USP1: variants seen among roughly 807,000 people sequenced by gnomAD.
USP1 encodes ubiquitin specific peptidase 1, also known as ubiquitin carboxyl-terminal hydrolase 1.
A neutral mutation model predicts 72.2 loss-of-function variants in USP1; 18 were observed. The ratio of observed to expected loss-of-function variants is 0.25; its 90% CI spans 0.17 to 0.37. The LOEUF (loss-of-function observed/expected upper bound fraction) is 0.37, where lower values mean the gene tolerates loss of function less well. USP1 is among the 10% of genes least tolerant of loss of function. The pLI is 1.00. For synonymous variants in USP1, 354 were observed against 303.7 expected (o/e 1.17, Z -1.72); for missense variants, 759 against 884.9 (o/e 0.86, Z 1.81).
Position 62,451,795 on chromosome 1 carries a change from T to C in USP1, c.*814T>C, listed in dbSNP as rs1487288691. On this transcript the variant is annotated 3_prime_UTR_variant, in exon 9 of 9. Transcript: ENST00000339950. The stretch of plus-strand genomic sequence containing the variant: ...TTTTTATAAATACAGCTGAGTTTTC[T>C]TAAAGCGAATAAGTGTGTGTATATA... 1.3e-5 allele frequency: 2 copies of C among 152,618 alleles called. No individual in the cohort carries two copies. Among genetic ancestry groups the C allele is most frequent in the Non-Finnish European group, 2.9e-5 (2 of 68,040 alleles). 9.5% of individuals were successfully genotyped at this position (152,618 alleles called of 1,614,324 possible).
rs763038767 is a variant in USP1 at position 62,444,766 on chromosome 1, C to G, written c.586C>G (p.Leu196Val). ...RELNPMYEGY[L>V]QHDAQEVLQC... ...ACTCAACCCTATGTATGAAGGATAT[C>G]TACAGCATGATGCACAGGAAGTATT... The change falls in exon 6 of 9, where the codon CTA (leucine) becomes GTA (valine). Residue 196 changes from leucine (L) to valine (V), a missense_variant. Around this residue, in one of 9 missense-constraint regions of USP1, gnomAD observed 16 missense variants for 44.6 expected, o/e 0.36. Coordinates refer to ENST00000339950, the MANE Select transcript of USP1 (RefSeq NM_003368.5). 6.2e-7 allele frequency: 1 copy of G among 1,603,756 alleles called. No individual in the cohort carries two copies. Among genetic ancestry groups the G allele is most frequent in the South Asian group, 1.1e-5 (1 of 88,400 alleles).
intron 5 of USP1, 77 bp downstream of exon 5, chr1:62,443,396 A>T (rs1645146790): frequency 7.2e-7 from 1 of 1,393,766 alleles, no homozygotes; most frequent in Admixed American, 2.7e-5. Flanking sequence ...ACATGCGAAG[A>T]AACAGGAATA....
chr1:62,448,889 C>CT lies in USP1; in HGVS notation c.1622+233dup, dbSNP rs538775156. 2.9e-3 allele frequency among the ~76,000 whole-genome samples: 433 copies of CT among 148,372 alleles called. 1 individual carries two copies. Among genetic ancestry groups the CT allele is most frequent in the Non-Finnish European group, 3.6e-3 (243 of 66,784 alleles). On this transcript the variant is annotated intron_variant, in intron 8 of 8. Transcript: ENST00000339950. The stretch of plus-strand genomic sequence containing the variant: ...ATTCTATTAAGTATGATTTCTTCTC[C>CT]TTTTTTTTTTGAAACAGGGTCTCAT...
intron 7 of USP1, 145 bp from the exon 8 acceptor site, chr1:62,448,320 T>C (rs1645190656): frequency 1.1e-5 from 8 of 752,400 alleles, no homozygotes; most frequent in Non-Finnish European, 1.5e-5. Flanking sequence ...CTTATGAAAG[T>C]AGTTTCTGAA....
At chr1:62,442,601 A>G (rs886073205) in intron 4 of USP1, among the ~76,000 whole-genome samples, 7 of 152,238 alleles carry the variant, frequency 4.6e-5, no homozygotes. Flanking sequence ...TTGTGTTTTC[A>G]AATTGAGTTA....
chr1:62,441,009 A>G (rs1359752012), intron 2 of USP1, among the ~76,000 whole-genome samples: 1 of 121,726 alleles, frequency 8.2e-6, no homozygotes, highest in Non-Finnish European at 1.6e-5. Flanking sequence ...GGATAGCTAC[A>G]TATTTTTTTT....
chr1:62,450,118 G>T (rs1287848127), intron 8 of USP1, 128 bp from the exon 9 acceptor site: 6 of 1,146,466 alleles, frequency 5.2e-6, no homozygotes, highest in Admixed American at 6.3e-5. Context: ...TTTTGATTCT[G>T]CTTTTCTGAT....
In USP1 at chr1:62,450,958, T is replaced by C. The variant is rs1645212201; in HGVS notation, c.2335T>C (p.Leu779=). 1 of 1,595,570 alleles carries C rather than the reference T, an allele frequency of 6.3e-7. No homozygotes were observed. The highest frequency in any genetic ancestry group is 1.1e-5 in the South Asian group (1 of 87,764). ...TACATCTCCTACTTCTACTCCTTAC[T>C]TGCTATTTTATAAGAAATTATAGAG... ...PSTSPTSTPY[L]LFYKKL Residue 779 remains leucine (L), a synonymous_variant, in exon 9 of 9, where the codon TTG becomes CTG. Transcript: ENST00000339950.
chr1:62,450,265 G>A lies in USP1; in HGVS notation c.1642G>A (p.Gly548Arg). 6.2e-7 allele frequency: 1 copy of A among 1,612,830 alleles called. No individual in the cohort carries two copies. The highest frequency in any genetic ancestry group is 8.5e-7 in the Non-Finnish European group (1 of 1,179,056). ...CCAAAGGTTTGATTGTTATGGTGGT[G>A]GACTTTCCAAGATCAACACTCCTTT... Reference protein sequence around the residue: ...SGLEFDCYGGGLSKINTPLLT... With the variant: ...SGLEFDCYGGRLSKINTPLLT... The change falls in exon 9 of 9, where the codon GGA (glycine) becomes AGA (arginine). Residue 548 changes from glycine (G) to arginine (R), a missense_variant. By Grantham distance (125) the Gly-to-Arg change is moderately radical. This residue lies in a region of USP1 where 140 missense variants were observed against 222.8 expected (regional missense o/e 0.63). Transcript: ENST00000339950.
At chr1:62,450,201 T>G in intron 8 of USP1, 45 bp from the exon 9 acceptor site, 1 of 1,556,284 alleles carries the variant, frequency 6.4e-7, no homozygotes, top group Non-Finnish European at 8.7e-7. Context: ...CATTTTGAAT[T>G]TAAAATAGAA....
At chr1:62,445,913 A>T (rs1003041481) in intron 6 of USP1, among the ~76,000 whole-genome samples, 2 of 152,136 alleles carry the variant, frequency 1.3e-5, no homozygotes, top group African/African-American at 4.8e-5. Context: ...CGGGAGGTGG[A>T]GGTTGCAGTG....
rs372124099 is a variant in USP1 at position 62,450,258 on chromosome 1, T to C, written c.1635T>C (p.Tyr545=). 57 of 1,609,606 alleles carry C rather than the reference T, an allele frequency of 3.5e-5. No individual in the cohort carries two copies. The highest frequency in any genetic ancestry group is 4.5e-5 in the East Asian group (2 of 44,758). The change falls in exon 9 of 9, where the codon TAT becomes TAC. Residue 545 remains tyrosine, a synonymous_variant. Transcript: ENST00000339950. ...FAASGLEFDC[Y]GGGLSKINTP... Reference sequence around the variant, plus strand: ...TTTCCTCCCAAAGGTTTGATTGTTATGGTGGTGGACTTTCCAAGATCAACA... The same window carrying C: ...TTTCCTCCCAAAGGTTTGATTGTTACGGTGGTGGACTTTCCAAGATCAACA...
At chr1:62,445,635 T>C in intron 6 of USP1, among the ~76,000 whole-genome samples, 1 of 56,356 alleles carries the variant, frequency 1.8e-5, no homozygotes, top group African/African-American at 1.5e-4. Flanking sequence ...TATATGTGTG[T>C]GTGTGTGTGT....
chr1:62,451,049 CAAA>C lies in USP1; in HGVS notation c.*69_*71del, dbSNP rs1211736853. 2.1e-6 allele frequency: 3 copies of C among 1,409,922 alleles called. No homozygotes were observed. Among genetic ancestry groups the C allele is most frequent in the Non-Finnish European group, 2.8e-6 (3 of 1,059,542 alleles). 87.3% of individuals were successfully genotyped at this position (1,409,922 alleles called of 1,614,324 possible). ...CAAACATTGGTAAAGTTGATTACATCAAAGAATCTTTAGCTTATCTTTTGAAGC... is the reference window on the plus strand; with the variant it reads ...CAAACATTGGTAAAGTTGATTACATCGAATCTTTAGCTTATCTTTTGAAGC... On this transcript the variant is annotated 3_prime_UTR_variant, in exon 9 of 9. Transcript: ENST00000339950.
At chr1:62,445,501 A>T (rs770361233) in intron 6 of USP1, 72 bp downstream of exon 6, 15 of 1,320,002 alleles carry the variant, frequency 1.1e-5, no homozygotes, top group Non-Finnish European at 1.5e-5. Flanking sequence ...CTCTTCCTAG[A>T]TACATGTACA....
At chr1:62,437,765 C>T (rs1428843210) in intron 1 of USP1, among the ~76,000 whole-genome samples, 1 of 152,240 alleles carries the variant, frequency 6.6e-6, no homozygotes, top group Non-Finnish European at 1.5e-5. Context: ...CGTTTCCACG[C>T]AGGTTGCCCT....
chr1:62,447,453 A>G lies in USP1; in HGVS notation c.1362A>G (p.Gln454=), dbSNP rs1278523489. 5.0e-6 allele frequency: 8 copies of G among 1,614,050 alleles called. No individual in the cohort carries two copies. The South Asian group carries it at 6.6e-5, about 13-fold the overall frequency. Residue 454 remains glutamine, a synonymous_variant, in exon 7 of 9, where the codon CAA becomes CAG. Coordinates refer to ENST00000339950, the MANE Select transcript of USP1 (RefSeq NM_003368.5). ...ESLTERREDF[Q]DISVPVQEDE... is the part of the protein sequence containing the mutation. ...TAACAGAAAGAAGAGAAGATTTTCA[A>G]GACATCAGTGTGCCAGTACAAGAAG...
At chr1:62,439,341 C>T (rs918345012) in intron 1 of USP1, among the ~76,000 whole-genome samples, 3 of 152,220 alleles carry the variant, frequency 2.0e-5, no homozygotes, top group Admixed American at 1.3e-4. Flanking sequence ...CCCGCCAGCA[C>T]GCCCGGCTAA....
intron 6 of USP1, among the ~76,000 whole-genome samples, chr1:62,446,409 C>T (rs554454002): frequency 3.2e-4 from 48 of 152,230 alleles, no homozygotes; most frequent in Non-Finnish European, 6.5e-4. Flanking sequence ...TTACGGGCTA[C>T]AGGCAAGCTT....
Sources: gnomAD v4.1 joint callset for allele counts (sites outside exome capture counted in the v4.1 genomes callset) on GRCh38, gnomAD v4.1.1 for gene constraint, gnomAD v4.1.1 regional missense constraint, MANE v1.5 for transcripts, NCBI Gene and HGNC (gene_info 2026-07-23, HGNC 2026-07-21) for gene names.